The following CHIC1 variants were observed in gnomAD, a reference collection of about 807,000 sequenced individuals.
The protein encoded by CHIC1 is cysteine rich hydrophobic domain 1, also known as cysteine-rich hydrophobic domain-containing protein 1.
CHIC1 carries 7 observed loss-of-function variants against 18.5 expected under a neutral mutation model. That is an observed-to-expected ratio of 0.38 (90% confidence interval 0.22 to 0.71). The LOEUF is 0.71. Ranked by LOEUF, CHIC1 falls within the 30% of genes least tolerant of loss-of-function variation. The probability of loss-of-function intolerance (pLI) is 0.49; values close to 1 mark genes in which losing one functional copy is unlikely to be tolerated. For synonymous variants in CHIC1, 77 were observed against 73.5 expected (o/e 1.05, Z -0.25); for missense variants, 159 against 176.9 (o/e 0.90, Z 0.57).
chrX:73,658,344 C>T (rs1386989287), intron 3 of CHIC1, among the ~76,000 whole-genome samples: 1 of 86,801 alleles, frequency 1.2e-5, no homozygotes, highest in Non-Finnish European at 2.1e-5. Flanking sequence ...CAGGGATTCA[C>T]TTTCTTCCTG....
chrX:73,653,876 A>T (rs1429169457), intron 3 of CHIC1, among the ~76,000 whole-genome samples: 1 of 112,470 alleles, frequency 8.9e-6, no homozygotes, highest in East Asian at 2.8e-4. Flanking sequence ...TGGCATATAG[A>T]TATGCTACTG....
intron 3 of CHIC1, among the ~76,000 whole-genome samples, chrX:73,616,025 G>T (rs1312929213): frequency 2.7e-5 from 3 of 110,757 alleles, no homozygotes; most frequent in Non-Finnish European, 5.7e-5. Flanking sequence ...GGTATTGCAG[G>T]TAGGGAAGAT....
In CHIC1 at chrX:73,603,982, C is replaced by T. The variant is rs997012609; in HGVS notation, c.507+19410C>T. Among the ~76,000 whole-genome samples, 8 of 106,861 alleles carry T rather than the reference C, an allele frequency of 7.5e-5. 1 individual carries two copies. Among genetic ancestry groups the T allele is most frequent in the African/African-American group, 2.9e-4 (8 of 27,653 alleles). 92.8% of individuals were successfully genotyped at this position (106,861 alleles called of 115,157 possible). A position where few individuals can be genotyped will look rare whatever the true frequency, so the allele number is the denominator to read the frequency against. ...ATTTTCTTTTTTTGTTGTTGTTTCT[C>T]TGCCAGGTTTTGGTAACAGGATGAT... On this transcript the variant is annotated intron_variant, in intron 3 of 5. Coordinates refer to ENST00000373502, the MANE Select transcript of CHIC1 (RefSeq NM_001039840.4).
chrX:73,642,718 C>T (rs1162961275), intron 3 of CHIC1, among the ~76,000 whole-genome samples: 1 of 110,855 alleles, frequency 9.0e-6, no homozygotes, highest in African/African-American at 3.3e-5. Context: ...GGAAGGCATC[C>T]AGTTTCAGCT....
rs11798182 is a variant in CHIC1, at chrX:73,633,434, G to A, written c.508-45892G>A. On this transcript the variant is annotated intron_variant, in intron 3 of 5. Coordinates refer to ENST00000373502, the MANE Select transcript of CHIC1 (RefSeq NM_001039840.4). Reference sequence around the variant, plus strand: ...GGGGCAATGGTGAATAGTTCCCTTAGATGTGATGAGTTGTTTTCACTTTCA... The same window carrying A: ...GGGGCAATGGTGAATAGTTCCCTTAAATGTGATGAGTTGTTTTCACTTTCA... Among the ~76,000 whole-genome samples the A allele has an allele frequency of 1.2e-3, 129 of 111,221 alleles. 2 individuals carry two copies. Among genetic ancestry groups the A allele is most frequent in the African/African-American group, 3.8e-3 (116 of 30,612 alleles).
At chrX:73,641,413 G>A (rs1162543018) in intron 3 of CHIC1, among the ~76,000 whole-genome samples, 4 of 110,521 alleles carry the variant, frequency 3.6e-5, no homozygotes, top group Non-Finnish European at 7.6e-5. Context: ...TGATCTAACT[G>A]AAACTTTGTA....
At chrX:73,670,508 T>C (rs2058024879) in intron 3 of CHIC1, among the ~76,000 whole-genome samples, 1 of 111,171 alleles carries the variant, frequency 9.0e-6, no homozygotes, top group African/African-American at 3.3e-5. Flanking sequence ...TATTATTTTT[T>C]CTACTAAAAT....
intron 1 of CHIC1, among the ~76,000 whole-genome samples, chrX:73,569,272 G>A (rs768865447): frequency 9.0e-6 from 1 of 111,175 alleles, no homozygotes; most frequent in South Asian, 3.8e-4. Flanking sequence ...TGAAAGGCTG[G>A]TATATAGCCA....
intron 2 of CHIC1, among the ~76,000 whole-genome samples, chrX:73,582,064 AT>A (rs1167667987): frequency 2.1e-4 from 22 of 105,605 alleles, no homozygotes; most frequent in African/African-American, 6.2e-4. Context: ...CTTATAAACA[AT>A]TTTTTTTTTC....
At chrX:73,597,128 A>C (rs2057613411) in intron 3 of CHIC1, among the ~76,000 whole-genome samples, 2 of 112,315 alleles carry the variant, frequency 1.8e-5, no homozygotes, top group East Asian at 2.8e-4. Flanking sequence ...GTTCAGATTT[A>C]TGGAGATCCT....
At chrX:73,633,240 C>A (rs920374528) in intron 3 of CHIC1, among the ~76,000 whole-genome samples, 1 of 108,198 alleles carries the variant, frequency 9.2e-6, no homozygotes, top group Non-Finnish European at 1.9e-5. Flanking sequence ...CCACTGCCCC[C>A]CCACATTTGT....
At chrX:73,598,570 G>A (rs1221535397) in intron 3 of CHIC1, among the ~76,000 whole-genome samples, 1 of 101,224 alleles carries the variant, frequency 9.9e-6, no homozygotes, top group Non-Finnish European at 2.0e-5. Context: ...CTATGAGTGA[G>A]AATATGTGGT....
intron 3 of CHIC1, among the ~76,000 whole-genome samples, chrX:73,672,473 A>C (rs1057229823): frequency 2.7e-5 from 3 of 112,240 alleles, no homozygotes; most frequent in African/African-American, 9.7e-5. Context: ...AACTGGTGTG[A>C]GATAGCATCT....
chrX:73,627,599 G>A (rs1418428140), intron 3 of CHIC1, among the ~76,000 whole-genome samples: 2 of 112,052 alleles, frequency 1.8e-5, no homozygotes, highest in East Asian at 2.8e-4. Context: ...CTCATGCCAC[G>A]AAGAATTCTA....
intron 1 of CHIC1, among the ~76,000 whole-genome samples, chrX:73,570,999 G>T (rs943242583): frequency 9.0e-6 from 1 of 111,076 alleles, no homozygotes; most frequent in East Asian, 2.8e-4. Flanking sequence ...TCAGCAAAAT[G>T]ACAGTATCAA....
At chrX:73,634,996 G>A (rs139906688) in intron 3 of CHIC1, among the ~76,000 whole-genome samples, 21 of 110,403 alleles carry the variant, frequency 1.9e-4, no homozygotes, top group African/African-American at 6.9e-4. Flanking sequence ...TTAGACTCTG[G>A]CTCCCACAAA....
At chrX:73,610,944 T>G (rs1412589090) in intron 3 of CHIC1, among the ~76,000 whole-genome samples, 2 of 102,520 alleles carry the variant, frequency 2.0e-5, no homozygotes, top group African/African-American at 4.0e-5. Context: ...TCTGATTTTG[T>G]TTTTTTTTTC....
chrX:73,585,707 T>G (rs1348965803), intron 3 of CHIC1, among the ~76,000 whole-genome samples: 1 of 111,599 alleles, frequency 9.0e-6, no homozygotes, highest in Non-Finnish European at 1.9e-5. Context: ...GAACAGATTT[T>G]TTTGTTTGTT....
At chrX:73,640,638 AT>A (rs1227446953) in intron 3 of CHIC1, among the ~76,000 whole-genome samples, 1 of 111,768 alleles carries the variant, frequency 8.9e-6, no homozygotes, top group Non-Finnish European at 1.9e-5. Flanking sequence ...GTTTGTGTGT[AT>A]AGAGGTGTTT....
Sources: allele counts gnomAD v4.1 joint callset (sites outside exome capture counted in the v4.1 genomes callset), GRCh38; gene constraint gnomAD v4.1.1; transcripts MANE v1.5; gene names NCBI Gene and HGNC (gene_info 2026-07-23, HGNC 2026-07-21).